The following HGF variants were observed in gnomAD, a reference collection of about 807,000 sequenced individuals.
HGF encodes fibroblast-derived tumor cytotoxic factor.
A neutral mutation model predicts 111.6 loss-of-function variants in HGF; 39 were observed. That is an observed-to-expected ratio of 0.35 (90% CI 0.27 to 0.46). The LOEUF (loss-of-function observed/expected upper bound fraction) is 0.46, where lower values mean the gene tolerates loss of function less well. HGF is among the 20% of genes least tolerant of loss of function. The pLI is 1.00. For missense variants in HGF, 735 were observed against 910.5 expected, an observed-to-expected ratio of 0.81 and a Z score of 2.48; for synonymous variants, 285 against 294.8, an observed-to-expected ratio of 0.97 and a Z score of 0.34.
intron 7 of HGF, among the ~76,000 whole-genome samples, chr7:81,732,410 G>A (rs1052518383): frequency 6.6e-6 from 1 of 152,122 alleles, no homozygotes; most frequent in African/African-American, 2.4e-5. Flanking sequence ...ATATGCCTGG[G>A]TAGGGGTGAG....
intron 2 of HGF, among the ~76,000 whole-genome samples, chr7:81,761,307 C>A (rs1266436836): frequency 6.6e-6 from 1 of 152,172 alleles, no homozygotes; most frequent in Non-Finnish European, 1.5e-5. Context: ...GGAACTATCT[C>A]CCGGAAATTG....
chr7:81,757,942 G>A (rs953440965), intron 3 of HGF, among the ~76,000 whole-genome samples: 2 of 151,280 alleles, frequency 1.3e-5, no homozygotes, highest in Non-Finnish European at 3.0e-5. Context: ...TAGTATTATT[G>A]AGGTGTATAA....
chr7:81,762,067 A>G (rs902989810), intron 2 of HGF, among the ~76,000 whole-genome samples: 49 of 152,276 alleles, frequency 3.2e-4, no homozygotes, highest in Admixed American at 5.2e-4. Context: ...TAGGGGGTTA[A>G]GGACCCCTGT....
chr7:81,752,614 A>T (rs1788559835), intron 4 of HGF, among the ~76,000 whole-genome samples: 1 of 152,156 alleles, frequency 6.6e-6, no homozygotes, highest in Admixed American at 6.6e-5. Flanking sequence ...GACAGAACTG[A>T]GAAATCGCTG....
intron 2 of HGF, among the ~76,000 whole-genome samples, chr7:81,759,621 C>T (rs1286618442): frequency 6.6e-6 from 1 of 152,036 alleles, no homozygotes; most frequent in Non-Finnish European, 1.5e-5. Context: ...TCTCCTGCCT[C>T]AGCCTCCCGA....
In HGF at chr7:81,699,383, T is replaced by C. The variant is rs1007483363; in HGVS notation, c.*3198A>G. 6.6e-6 allele frequency: 1 copy of C among 151,756 alleles called. No individual in the cohort carries two copies. The highest frequency in any genetic ancestry group is 6.6e-5 in the Admixed American group (1 of 15,172). 9.4% of individuals were successfully genotyped at this position (151,756 alleles called of 1,614,324 possible). ...TGAATGATAACTTCTTTTTGGACTT[T>C]ATCATGACAAGTGATTTATTTTAAA... is the stretch of plus-strand genomic sequence containing the variant. On this transcript the variant is annotated 3_prime_UTR_variant, in exon 18 of 18. Coordinates refer to ENST00000222390, the MANE Select transcript of HGF (RefSeq NM_000601.6).
At chr7:81,734,858 A>T (rs1208054487) in intron 7 of HGF, among the ~76,000 whole-genome samples, 1 of 152,050 alleles carries the variant, frequency 6.6e-6, no homozygotes, top group African/African-American at 2.4e-5. Context: ...CACCAAAAGA[A>T]AACCCAGATT....
intron 5 of HGF, chr7:81,751,871 C>T: frequency 7.5e-7 from 1 of 1,330,468 alleles, no homozygotes; most frequent in South Asian, 1.7e-5. Context: ...TTTCACTTTC[C>T]CCAGAGGGAT....
intron 9 of HGF, among the ~76,000 whole-genome samples, chr7:81,721,212 A>G (rs543207093): frequency 6.6e-6 from 1 of 152,120 alleles, no homozygotes. Context: ...GCGCCACTGC[A>G]CTCCAGCCTG....
chr7:81,753,947 G>A (rs1367458480), intron 4 of HGF, among the ~76,000 whole-genome samples: 3 of 151,836 alleles, frequency 2.0e-5, no homozygotes, highest in African/African-American at 7.2e-5. Flanking sequence ...ATATTTTAAT[G>A]CATCTTTTGT....
At chr7:81,730,560 C>G (rs1787615261) in intron 7 of HGF, among the ~76,000 whole-genome samples, 1 of 152,136 alleles carries the variant, frequency 6.6e-6, no homozygotes, top group African/African-American at 2.4e-5. Flanking sequence ...CTAGGAAGAT[C>G]TATCTCCTGC....
chr7:81,765,671 A>G (rs1051894945), intron 1 of HGF, among the ~76,000 whole-genome samples: 6 of 152,212 alleles, frequency 3.9e-5, no homozygotes, highest in Non-Finnish European at 5.9e-5. Context: ...CCACACATCT[A>G]TAAAATTAAT....
intron 9 of HGF, among the ~76,000 whole-genome samples, chr7:81,721,522 G>T (rs1562879313): frequency 6.6e-6 from 1 of 151,944 alleles, no homozygotes; most frequent in Non-Finnish European, 1.5e-5. Flanking sequence ...GTAATATAAC[G>T]AACATTCATC....
intron 7 of HGF, among the ~76,000 whole-genome samples, chr7:81,737,493 T>G (rs1042164903): frequency 6.6e-6 from 1 of 152,016 alleles, no homozygotes; most frequent in Non-Finnish European, 1.5e-5. Context: ...GTCCAGGAGA[T>G]CAAAACTATT....
At chr7:81,727,989 A>G (rs1302793468) in intron 8 of HGF, among the ~76,000 whole-genome samples, 1 of 152,198 alleles carries the variant, frequency 6.6e-6, no homozygotes, top group East Asian at 1.9e-4. Context: ...TCGATTCATC[A>G]CAGGCAGTGT....
intron 13 of HGF, 95 bp downstream of exon 13, chr7:81,710,052 T>G (rs1583920195): frequency 1.1e-6 from 1 of 872,016 alleles, no homozygotes; most frequent in Non-Finnish European, 1.9e-6. Flanking sequence ...CTGTGGAGGG[T>G]ACAACCTTCA....
chr7:81,756,714 T>C (rs1049549955), intron 4 of HGF: 1 of 163,104 alleles, frequency 6.1e-6, no homozygotes, highest in Admixed American at 5.9e-5. Flanking sequence ...GATTCTGATT[T>C]AATTGTTCTG....
intron 2 of HGF, 94 bp from the exon 3 acceptor site, chr7:81,758,898 G>A (rs889613695): frequency 1.0e-5 from 8 of 779,478 alleles, no homozygotes; most frequent in African/African-American, 5.2e-5. Flanking sequence ...TGGGCATATG[G>A]ACAATATAGA....
At chr7:81,765,885 T>A (rs569520882) in intron 1 of HGF, among the ~76,000 whole-genome samples, 6 of 152,338 alleles carry the variant, frequency 3.9e-5, no homozygotes, top group African/African-American at 1.4e-4. Flanking sequence ...TTCCCTACTA[T>A]TTTTTGTGCG....
Sources: allele counts gnomAD v4.1 joint callset (sites outside exome capture counted in the v4.1 genomes callset), GRCh38; gene constraint gnomAD v4.1.1; transcripts MANE v1.5; gene names NCBI Gene and HGNC (gene_info 2026-07-23, HGNC 2026-07-21).